The following HTR7 variants were observed in gnomAD, a reference collection of about 807,000 sequenced individuals.
HTR7 encodes the protein 5-HT-7.
HTR7 carries 16 observed loss-of-function variants against 34.0 expected under a neutral mutation model. That is an observed-to-expected ratio of 0.47 (90% CI 0.32 to 0.71). The LOEUF (loss-of-function observed/expected upper bound fraction) is 0.71. Among genes scored for constraint, HTR7 ranks in the 30% least tolerant of loss-of-function variants. The pLI, the probability that HTR7 is intolerant of heterozygous loss-of-function variation, is 0.04. For synonymous variants in HTR7, 265 were observed against 260.2 expected (o/e 1.02, Z -0.18); for missense variants, 504 against 625.5 (o/e 0.81, Z 2.07).
At chr10:90,752,641 T>C (rs1299607117) in intron 1 of HTR7, among the ~76,000 whole-genome samples, 1 of 151,380 alleles carries the variant, frequency 6.6e-6, no homozygotes, top group Non-Finnish European at 1.5e-5. Context: ...GCCACAGAAA[T>C]AAAAGCCCCA....
At chr10:90,836,393 T>A (rs1180044822) in intron 1 of HTR7, among the ~76,000 whole-genome samples, 1 of 152,204 alleles carries the variant, frequency 6.6e-6, no homozygotes, top group African/African-American at 2.4e-5. Flanking sequence ...CCTAAGTCCC[T>A]GGTACAGGTC....
At chr10:90,797,898 T>C (rs113369523) in intron 1 of HTR7, among the ~76,000 whole-genome samples, 2,434 of 152,310 alleles carry the variant, frequency 0.016, 68 homozygotes, top group African/African-American at 0.055. Context: ...GGCAAGAGCC[T>C]TTCTGCTGCA....
At chr10:90,776,390 T>C (rs185023075) in intron 1 of HTR7, among the ~76,000 whole-genome samples, 145 of 152,372 alleles carry the variant, frequency 9.5e-4, no homozygotes, top group African/African-American at 3.3e-3. Flanking sequence ...CACCCTCATA[T>C]GTATGTATGC....
chr10:90,765,281 T>C (rs1351419796), intron 1 of HTR7, among the ~76,000 whole-genome samples: 1 of 152,186 alleles, frequency 6.6e-6, no homozygotes, highest in Admixed American at 6.5e-5. Flanking sequence ...TCTAGCAATT[T>C]ACCCATTTCT....
At chr10:90,745,710 C>G (rs1844622165) in intron 2 of HTR7, among the ~76,000 whole-genome samples, 1 of 152,210 alleles carries the variant, frequency 6.6e-6, no homozygotes, top group Non-Finnish European at 1.5e-5. Flanking sequence ...AAAGAAGATA[C>G]AGCAGACTAT....
chr10:90,778,919 C>A (rs560654223), intron 1 of HTR7, among the ~76,000 whole-genome samples: 1 of 152,336 alleles, frequency 6.6e-6, no homozygotes, highest in South Asian at 2.1e-4. Context: ...AACAGTCTTC[C>A]TTGGCCTCAG....
At chr10:90,756,285 C>T (rs1844831808) in intron 1 of HTR7, among the ~76,000 whole-genome samples, 2 of 152,202 alleles carry the variant, frequency 1.3e-5, no homozygotes, top group African/African-American at 4.8e-5. Context: ...CATAGGTATG[C>T]TCACCTTGTA....
intron 1 of HTR7, among the ~76,000 whole-genome samples, chr10:90,779,249 A>C (rs1845269624): frequency 6.6e-6 from 1 of 152,218 alleles, no homozygotes; most frequent in Non-Finnish European, 1.5e-5. Context: ...GTTAGAACAG[A>C]GGAAAAGTTA....
At position 90,794,404 on chromosome 10, in the gene HTR7, G is replaced by C. The variant is rs536482659; in HGVS notation, c.540-44810C>G. Among the ~76,000 whole-genome samples, 322 of 152,282 alleles carry C rather than the reference G, an allele frequency of 2.1e-3. 1 individual carries two copies. Among genetic ancestry groups the C allele is most frequent in the Middle Eastern group, 0.01 (3 of 294 alleles). ...GTACACTCTAAAATAACAATTAGAAGTATAGTATAGTAAACATACAAACCA... is the reference window on the plus strand; with the variant it reads ...GTACACTCTAAAATAACAATTAGAACTATAGTATAGTAAACATACAAACCA... On this transcript the variant is annotated intron_variant, in intron 1 of 3. Transcript: ENST00000336152.
rs150725459 is a variant in HTR7 at position 90,773,235 on chromosome 10, G to A, written c.540-23641C>T. 5.3e-3 allele frequency among the ~76,000 whole-genome samples: 800 copies of A among 152,196 alleles called. 7 individuals are homozygous for A. The highest frequency in any genetic ancestry group is 8.5e-3 in the Non-Finnish European group (581 of 67,998). ...GCTTGAAGCAACCAGCTACACTGTG[G>A]GATAGTCACAAGTGTTTAAAAGTTC... On this transcript the variant is annotated intron_variant, in intron 1 of 3. Coordinates refer to ENST00000336152, the MANE Select transcript of HTR7 (RefSeq NM_019859.4).
At chr10:90,812,358 A>G (rs1236708690) in intron 1 of HTR7, among the ~76,000 whole-genome samples, 2 of 152,110 alleles carry the variant, frequency 1.3e-5, no homozygotes, top group South Asian at 2.1e-4. Flanking sequence ...ATCACAGCTG[A>G]TATCTCCTGG....
chr10:90,849,142 G>T (rs1846457041), intron 1 of HTR7, among the ~76,000 whole-genome samples: 4 of 152,176 alleles, frequency 2.6e-5, no homozygotes, highest in Admixed American at 2.6e-4. Context: ...TATTCTTGTA[G>T]AAGACTTTTG....
At chr10:90,853,273 T>A (rs927069290) in intron 1 of HTR7, among the ~76,000 whole-genome samples, 3 of 145,860 alleles carry the variant, frequency 2.1e-5, no homozygotes, top group African/African-American at 7.9e-5. Context: ...AGTAATTTGA[T>A]TTCTTTTTTT....
chr10:90,750,312 C>T (rs537433221), intron 1 of HTR7, among the ~76,000 whole-genome samples: 2 of 152,194 alleles, frequency 1.3e-5, no homozygotes, highest in Non-Finnish European at 2.9e-5. Flanking sequence ...GGGTGCAATT[C>T]TGAAAAATGT....
At chr10:90,836,232 C>G (rs1309933184) in intron 1 of HTR7, among the ~76,000 whole-genome samples, 3 of 152,104 alleles carry the variant, frequency 2.0e-5, no homozygotes, top group Non-Finnish European at 2.9e-5. Flanking sequence ...GAAGCCTCAT[C>G]AAGCCCCAAT....
In HTR7 at chr10:90,749,173, G is replaced by A. The variant is rs1326557199; in HGVS notation, c.961C>T (p.Arg321Ter). Residue 321 changes from arginine (R) to a stop codon, truncating the protein, a stop_gained, in exon 2 of 4, where the codon CGA (arginine) becomes TGA (stop). Transcript: ENST00000336152. LOFTEE classifies it high-confidence loss of function. The surrounding 1 kb of genome is among the most constrained non-coding windows in gnomAD (Gnocchi z 4.2). ...AGGGTGGTGGCTGCTTTCTGTTCTCGCTTAAAGATGGAGATGTTTTTCCTT... is the reference window on the plus strand; with the variant it reads ...AGGGTGGTGGCTGCTTTCTGTTCTCACTTAAAGATGGAGATGTTTTTCCTT... ...HERKNISIFK[R>*]EQKAATTLGI... 5 of 1,614,098 alleles carry A rather than the reference G, an allele frequency of 3.1e-6. No homozygotes were observed. The highest frequency in any genetic ancestry group is 3.3e-5 in the Admixed American group (2 of 60,018).
At chr10:90,801,221 G>A (rs187258784) in intron 1 of HTR7, among the ~76,000 whole-genome samples, 1 of 152,260 alleles carries the variant, frequency 6.6e-6, no homozygotes, top group Non-Finnish European at 1.5e-5. Context: ...TGAAGGTCAA[G>A]GTTTATTGCC....
chr10:90,815,924 T>C (rs1223571116), intron 1 of HTR7, among the ~76,000 whole-genome samples: 1 of 152,162 alleles, frequency 6.6e-6, no homozygotes, highest in Non-Finnish European at 1.5e-5. Flanking sequence ...TTAAGAGAAT[T>C]TCCACTTGAG....
chr10:90,804,442 C>A (rs1845672841), intron 1 of HTR7, among the ~76,000 whole-genome samples: 1 of 152,172 alleles, frequency 6.6e-6, no homozygotes, highest in Admixed American at 6.5e-5. Context: ...AGGTTGTGGG[C>A]AACTGCTAGA....
Sources: allele counts gnomAD v4.1 joint callset (sites outside exome capture counted in the v4.1 genomes callset), GRCh38; gene constraint gnomAD v4.1.1; non-coding constraint Gnocchi (gnomAD v3.1); transcripts MANE v1.5; gene names NCBI Gene and HGNC (gene_info 2026-07-23, HGNC 2026-07-21).